Variants in MGAT4C observed in about 807,000 individuals in gnomAD.
MGAT4C encodes the protein MGAT4 family member C, also known as alpha-1,3-mannosyl-glycoprotein 4-beta-N-acetylglucosaminyltransferase C.
Under a neutral mutation model 40.1 loss-of-function variants are expected in MGAT4C, and 19 were observed. That is an observed-to-expected ratio of 0.47 (90% confidence interval 0.33 to 0.70). MGAT4C has a LOEUF of 0.70. Ranked by LOEUF, MGAT4C falls within the 30% of genes least tolerant of loss-of-function variation. The probability of loss-of-function intolerance (pLI) is 0.02; values close to 1 mark genes in which losing one functional copy is unlikely to be tolerated. For synonymous variants in MGAT4C, 181 were observed against 187.1 expected, an observed-to-expected ratio of 0.97 and a Z score of 0.27; for missense variants, 491 against 563.2, an observed-to-expected ratio of 0.87 and a Z score of 1.30.
At chr12:86,184,777 A>G (rs986859330) in intron 1 of MGAT4C, among the ~76,000 whole-genome samples, 1 of 143,328 alleles carries the variant, frequency 7.0e-6, no homozygotes, top group Non-Finnish European at 1.5e-5. Flanking sequence ...ATGGGAGGAC[A>G]TTGTTTTGGA....
At chr12:86,336,348 A>G (rs12319410) in intron 3 of MGAT4C, among the ~76,000 whole-genome samples, 13,799 of 152,144 alleles carry the variant, frequency 0.091, 1,535 homozygotes, top group African/African-American at 0.25. Flanking sequence ...AATAAATGCC[A>G]AATACACTAC....
chr12:86,431,351 T>G (rs1166733257), intron 3 of MGAT4C, among the ~76,000 whole-genome samples: 1 of 152,112 alleles, frequency 6.6e-6, no homozygotes, highest in Non-Finnish European at 1.5e-5. Flanking sequence ...CCCTGTGAGG[T>G]AAGGCCAGAG....
chr12:86,833,030 C>T (rs140965421), intron 1 of MGAT4C, among the ~76,000 whole-genome samples: 310 of 151,820 alleles, frequency 2.0e-3, no homozygotes, highest in African/African-American at 6.7e-3. Context: ...TTGAGATTGT[C>T]GGATGTACAT....
At chr12:86,800,118 C>T (rs1224719577) in intron 1 of MGAT4C, among the ~76,000 whole-genome samples, 2 of 151,906 alleles carry the variant, frequency 1.3e-5, no homozygotes, top group Non-Finnish European at 2.9e-5. Flanking sequence ...GTTCCTTAGA[C>T]TACCATTTCA....
intron 2 of MGAT4C, among the ~76,000 whole-genome samples, chr12:86,443,273 T>A (rs1171524461): frequency 6.6e-6 from 1 of 152,120 alleles, no homozygotes; most frequent in African/African-American, 2.4e-5. Flanking sequence ...TATAGTTTCA[T>A]GTTATTACAC....
Position 86,191,058 on chromosome 12 carries a change from T to C in MGAT4C, c.-57+65181A>G, listed in dbSNP as rs1010074527. Among the ~76,000 whole-genome samples, 31 of 149,234 alleles carry C rather than the reference T, an allele frequency of 2.1e-4. No individual in the cohort carries two copies. In the Admixed American group the frequency reaches 2.1e-3, roughly 10 times the overall value. On this transcript the variant is annotated intron_variant, in intron 1 of 4. Coordinates refer to ENST00000611864, the MANE Select transcript of MGAT4C (RefSeq NM_001351288.2). ...TCCAGGCACTACAATCAGGAACCAA[T>C]TTCTTAAAATCACTCTCTCTCTCTG...
At chr12:86,064,851 G>T (rs1391901277) in intron 1 of MGAT4C, among the ~76,000 whole-genome samples, 2 of 151,952 alleles carry the variant, frequency 1.3e-5, no homozygotes, top group Non-Finnish European at 1.5e-5. Flanking sequence ...GAATCAAATA[G>T]ATGCAATAAA....
rs574390543 is a variant in MGAT4C, at chr12:86,509,999, G to A, written c.-228-74734C>T. Among the ~76,000 whole-genome samples the A allele has an allele frequency of 6.1e-3, 932 of 152,156 alleles. 6 individuals are homozygous for A. Among genetic ancestry groups the A allele is most frequent in the South Asian group, 0.012 (60 of 4,826 alleles). ...GGTTTTCTAGATATACAGTCATGTCGTCTGCAAACAGGGACAATTTGACTT... is the reference window on the plus strand; with the variant it reads ...GGTTTTCTAGATATACAGTCATGTCATCTGCAAACAGGGACAATTTGACTT... On this transcript the variant is annotated intron_variant, in intron 2 of 7. Transcript: ENST00000548651.
At chr12:86,643,789 T>G (rs1029636289) in intron 2 of MGAT4C, among the ~76,000 whole-genome samples, 4 of 151,806 alleles carry the variant, frequency 2.6e-5, no homozygotes, top group African/African-American at 9.7e-5. Context: ...TATGTGATAA[T>G]ACACTAAATT....
chr12:86,590,073 G>GGGAGA (rs998129969), intron 2 of MGAT4C, among the ~76,000 whole-genome samples: 15 of 151,884 alleles, frequency 9.9e-5, no homozygotes, highest in African/African-American at 3.6e-4. Flanking sequence ...CTTTAACAAA[G>GGGAGA]GGAGAGGAGT....
chr12:86,372,577 G>T (rs1955738315), intron 3 of MGAT4C, among the ~76,000 whole-genome samples: 1 of 151,750 alleles, frequency 6.6e-6, no homozygotes, highest in East Asian at 1.9e-4. Context: ...AGCTTTTATG[G>T]ATATACTGCC....
intron 1 of MGAT4C, among the ~76,000 whole-genome samples, chr12:86,096,417 CCCCTTCCCTT>C (rs1183478884): frequency 6.8e-6 from 1 of 146,784 alleles, no homozygotes; most frequent in Non-Finnish European, 1.5e-5. Context: ...CCCCTCCCCT[CCCCTTCCCTT>C]CCTTTTTTTT....
At chr12:86,202,073 T>C (rs182334458) in intron 1 of MGAT4C, among the ~76,000 whole-genome samples, 53 of 152,240 alleles carry the variant, frequency 3.5e-4, no homozygotes, top group African/African-American at 1.3e-3. Flanking sequence ...AATCATTTCA[T>C]GTATGAGTAA....
At chr12:86,672,968 G>T (rs1028779663) in intron 2 of MGAT4C, among the ~76,000 whole-genome samples, 5 of 151,874 alleles carry the variant, frequency 3.3e-5, no homozygotes, top group Non-Finnish European at 7.4e-5. Context: ...GTTCTTGGGG[G>T]ATATATTAAA....
At chr12:86,788,580 T>C (rs953403208) in intron 1 of MGAT4C, among the ~76,000 whole-genome samples, 2 of 152,166 alleles carry the variant, frequency 1.3e-5, no homozygotes, top group African/African-American at 4.8e-5. Context: ...TTTTCCATAA[T>C]TTGGCCAGAG....
chr12:86,444,725 T>TAG (rs1957302515), intron 2 of MGAT4C, among the ~76,000 whole-genome samples: 1 of 152,186 alleles, frequency 6.6e-6, no homozygotes, highest in Admixed American at 6.5e-5. Context: ...TAACATAAAG[T>TAG]TTACCATAGT....
chr12:86,357,460 G>A (rs749250133), intron 3 of MGAT4C, among the ~76,000 whole-genome samples: 6 of 152,188 alleles, frequency 3.9e-5, no homozygotes, highest in Non-Finnish European at 8.8e-5. Context: ...ATGGAACAAA[G>A]CTGGATAGAG....
chr12:86,475,396 T>C (rs950682167), intron 2 of MGAT4C, among the ~76,000 whole-genome samples: 10 of 151,980 alleles, frequency 6.6e-5, no homozygotes, highest in African/African-American at 1.4e-4. Context: ...ATTTAAAAGA[T>C]TGAAGTTTAC....
At chr12:86,178,184 C>A (rs1371933975) in intron 1 of MGAT4C, among the ~76,000 whole-genome samples, 1 of 152,182 alleles carries the variant, frequency 6.6e-6, no homozygotes, top group African/African-American at 2.4e-5. Context: ...GATCCGCCCG[C>A]CTTGGCCTCC....
Sources: allele counts gnomAD v4.1 joint callset (sites outside exome capture counted in the v4.1 genomes callset), GRCh38; gene constraint gnomAD v4.1.1; transcripts MANE v1.5; gene names NCBI Gene and HGNC (gene_info 2026-07-23, HGNC 2026-07-21).